Variants in CACNA1A observed in about 807,000 individuals in gnomAD.
CACNA1A encodes calcium voltage-gated channel subunit alpha1 A, also known as voltage-dependent P/Q-type calcium channel subunit alpha-1A.
In CACNA1A, 57 loss-of-function variants were observed where a neutral mutation model predicts 262.4. The observed-to-expected ratio is 0.22, with a 90% CI of 0.18 to 0.27. The LOEUF is 0.27. Among genes scored for constraint, CACNA1A ranks in the 10% least tolerant of loss-of-function variants. The pLI, the probability that CACNA1A is intolerant of heterozygous loss-of-function variation, is 1.00. For missense variants in CACNA1A, 2,526 were observed against 3,562.8 expected, an observed-to-expected ratio of 0.71 and a Z score of 7.41; for synonymous variants, 1,431 against 1,419.3, an observed-to-expected ratio of 1.01 and a Z score of -0.18.
intron 24 of CACNA1A, among the ~76,000 whole-genome samples, chr19:13,264,989 C>T (rs2144782659): frequency 6.6e-6 from 1 of 151,990 alleles, no homozygotes; most frequent in Non-Finnish European, 1.5e-5. Context: ...ATTCTCCCAC[C>T]TCAGCCTCCC....
intron 46 of CACNA1A, among the ~76,000 whole-genome samples, chr19:13,208,391 G>C (rs986520053): frequency 2.0e-5 from 3 of 152,076 alleles, no homozygotes; most frequent in African/African-American, 7.2e-5. Flanking sequence ...ACTCACAGGC[G>C]TCCAGAGGAC....
intron 35 of CACNA1A, among the ~76,000 whole-genome samples, chr19:13,230,575 T>TGGGC (rs1299811604): frequency 1.4e-3 from 210 of 151,718 alleles, no homozygotes; most frequent in African/African-American, 4.9e-3. Context: ...GAGGCCGAGG[T>TGGGC]GGACAGATCA....
chr19:13,386,592 C>A (rs2059619088), intron 3 of CACNA1A, among the ~76,000 whole-genome samples: 1 of 152,040 alleles, frequency 6.6e-6, no homozygotes, highest in East Asian at 1.9e-4. Flanking sequence ...AGTTTGAGAC[C>A]AGCCTGACCA....
At chr19:13,336,594 G>GAAGAGAGAGGGAGAGAGA (rs2058572370) in intron 6 of CACNA1A, among the ~76,000 whole-genome samples, 1 of 65,492 alleles carries the variant, frequency 1.5e-5, no homozygotes, top group African/African-American at 5.1e-5. Context: ...AGAGAGAGAG[G>GAAGAGAGAGGGAGAGAGA]GAGAGAGAGA....
intron 3 of CACNA1A, among the ~76,000 whole-genome samples, chr19:13,396,461 G>C (rs2059813265): frequency 6.6e-6 from 1 of 152,074 alleles, no homozygotes; most frequent in Admixed American, 6.6e-5. Flanking sequence ...AGCTGCGCCG[G>C]CCCCTAGAAC....
chr19:13,319,933 G>T (rs1502019), intron 10 of CACNA1A, among the ~76,000 whole-genome samples: 1 of 151,838 alleles, frequency 6.6e-6, no homozygotes, highest in Non-Finnish European at 1.5e-5. Flanking sequence ...GCTCTGGGCC[G>T]CCACATTGCA....
At chr19:13,311,798 C>T (rs1166907761) in intron 12 of CACNA1A, among the ~76,000 whole-genome samples, 12 of 151,788 alleles carry the variant, frequency 7.9e-5, no homozygotes, top group Admixed American at 2.0e-4. Flanking sequence ...GATGGCGCCA[C>T]CGCACTCCAG....
intron 1 of CACNA1A, among the ~76,000 whole-genome samples, chr19:13,471,480 C>T (rs1484280482): frequency 6.6e-6 from 1 of 152,166 alleles, no homozygotes. Flanking sequence ...TCATCAGACC[C>T]CACCAATTCT....
At chr19:13,309,462 G>T (rs1190716689) in intron 12 of CACNA1A, among the ~76,000 whole-genome samples, 1 of 151,856 alleles carries the variant, frequency 6.6e-6, no homozygotes, top group African/African-American at 2.4e-5. Context: ...GGAGGCCGAG[G>T]TGGGCAGATC....
intron 3 of CACNA1A, among the ~76,000 whole-genome samples, chr19:13,375,870 A>C (rs2059396395): frequency 1.3e-5 from 2 of 152,338 alleles, no homozygotes; most frequent in South Asian, 4.1e-4. Flanking sequence ...TTACTGAAGG[A>C]AATTAAAAGG....
chr19:13,252,741 A>T, intron 30 of CACNA1A: 2 of 297,944 alleles, frequency 6.7e-6, no homozygotes, highest in Middle Eastern at 9.5e-4. Flanking sequence ...CCCAGCCATG[A>T]TGACTCCCAT....
At chr19:13,276,967 C>T (rs1373817203) in intron 23 of CACNA1A, 102 bp downstream of exon 23, 1 of 756,914 alleles carries the variant, frequency 1.3e-6, no homozygotes, top group Non-Finnish European at 2.3e-6. Flanking sequence ...CTGCCTCAGC[C>T]TCCCAAAGTG....
intron 19 of CACNA1A, among the ~76,000 whole-genome samples, chr19:13,291,677 C>T (rs1000533406): frequency 5.3e-5 from 8 of 149,884 alleles, no homozygotes; most frequent in South Asian, 2.1e-4. Flanking sequence ...CGTAGTTGCA[C>T]GAGACTGTTG....
Position 13,360,719 on chromosome 19 carries a change from C to T in CACNA1A, c.785-920G>A, listed in dbSNP as rs1336105439. ...TCTCGAACTCCTGACCTCAAGTGAT[C>T]CGCCCGCCTCGGCCTCCAAAGTGCT... On this transcript the variant is annotated intron_variant, in intron 5 of 46. Coordinates refer to ENST00000360228, the MANE Select transcript of CACNA1A (RefSeq NM_001127222.2). 2.0e-5 allele frequency among the ~76,000 whole-genome samples: 3 copies of T among 152,264 alleles called. No individual in the cohort carries two copies. The East Asian group carries it at 5.8e-4, about 29-fold the overall frequency.
At chr19:13,261,120 A>G (rs1217060295) in intron 26 of CACNA1A, 3 of 241,238 alleles carry the variant, frequency 1.2e-5, no homozygotes, top group Non-Finnish European at 2.4e-5. Context: ...CCCACATGGG[A>G]ATCTCAAAAT....
In CACNA1A at chr19:13,333,348, CTT is replaced by C. The variant is rs2058498597; in HGVS notation, c.1199-425_1199-424del. On this transcript the variant is annotated intron_variant, in intron 8 of 46. Coordinates refer to ENST00000360228, the MANE Select transcript of CACNA1A (RefSeq NM_001127222.2). ...GCCCCTTCCCTTGACATCCCCACAG[CTT>C]CCTTCTTCACGTCCTTCAGGTCTCT... Among the ~76,000 whole-genome samples, 3 of 152,160 alleles carry C rather than the reference CTT, an allele frequency of 2.0e-5. No individual in the cohort carries two copies. In the South Asian group the frequency reaches 6.2e-4, roughly 32 times the overall value.
At chr19:13,306,968 T>C (rs918359408) in intron 15 of CACNA1A, among the ~76,000 whole-genome samples, 2 of 152,028 alleles carry the variant, frequency 1.3e-5, no homozygotes, top group Admixed American at 6.6e-5. Flanking sequence ...TAACAAACTT[T>C]CTTTTCGTTT....
At chr19:13,458,786 C>T (rs947021112) in intron 1 of CACNA1A, among the ~76,000 whole-genome samples, 6 of 152,178 alleles carry the variant, frequency 3.9e-5, no homozygotes, top group African/African-American at 1.2e-4. Context: ...TGGGAATGTC[C>T]GCTGTCTCCC....
rs189837140 is a variant in CACNA1A at position 13,375,743 on chromosome 19, G to A, written c.540-3964C>T. Reference sequence around the variant, plus strand: ...GTCAAGGCTGCAGTGAGCGGTGATTGCACCACTGCACTCCAGCCTGGGCAA... The same window carrying A: ...GTCAAGGCTGCAGTGAGCGGTGATTACACCACTGCACTCCAGCCTGGGCAA... On this transcript the variant is annotated intron_variant, in intron 3 of 46. Coordinates refer to ENST00000360228, the MANE Select transcript of CACNA1A (RefSeq NM_001127222.2). 7.2e-5 allele frequency among the ~76,000 whole-genome samples: 11 copies of A among 152,250 alleles called. 1 individual carries two copies. The highest frequency in any genetic ancestry group is 2.4e-4 in the African/African-American group (10 of 41,566).
Sources: gnomAD v4.1 joint callset for allele counts (sites outside exome capture counted in the v4.1 genomes callset) on GRCh38, gnomAD v4.1.1 for gene constraint, MANE v1.5 for transcripts, NCBI Gene and HGNC (gene_info 2026-07-23, HGNC 2026-07-21) for gene names.